Variants in MCC observed in about 807,000 individuals in gnomAD.
MCC encodes colorectal mutant cancer protein.
MCC carries 90 observed loss-of-function variants against 116.2 expected under a neutral mutation model. That is an observed-to-expected ratio of 0.77 (90% confidence interval 0.65 to 0.92). The LOEUF is 0.92. Among genes scored for constraint, MCC ranks in the 40% least tolerant of loss-of-function variants. The probability of loss-of-function intolerance (pLI) is 0.00; values close to 1 mark genes in which losing one functional copy is unlikely to be tolerated. For missense variants in MCC, 1,516 were observed against 1,312.2 expected (o/e 1.16, Z -2.40); for synonymous variants, 578 against 510.5 (o/e 1.13, Z -1.78).
chr5:113,474,741 G>A (rs1772192285), intron 1 of MCC, among the ~76,000 whole-genome samples: 1 of 152,114 alleles, frequency 6.6e-6, no homozygotes, highest in Non-Finnish European at 1.5e-5. Flanking sequence ...AAGGGAGAGA[G>A]GGATAAGCCG....
At chr5:113,144,431 A>C (rs180919770) in intron 4 of MCC, among the ~76,000 whole-genome samples, 4 of 152,328 alleles carry the variant, frequency 2.6e-5, no homozygotes, top group Admixed American at 2.6e-4. Context: ...ATCTTCAACA[A>C]GGTTTTCTTA....
chr5:113,039,375 C>A (rs1241846968), intron 17 of MCC, among the ~76,000 whole-genome samples: 3 of 152,148 alleles, frequency 2.0e-5, no homozygotes, highest in Non-Finnish European at 2.9e-5. Context: ...TTTTTATCAG[C>A]ATGACTTAGG....
At chr5:113,412,869 T>C (rs1408076282) in intron 1 of MCC, among the ~76,000 whole-genome samples, 1 of 152,214 alleles carries the variant, frequency 6.6e-6, no homozygotes, top group Admixed American at 6.5e-5. Flanking sequence ...AGGGAATGCT[T>C]CCAGGTTTGT....
chr5:113,485,176 C>G (rs549594898), intron 1 of MCC, among the ~76,000 whole-genome samples: 3 of 152,132 alleles, frequency 2.0e-5, no homozygotes, highest in African/African-American at 7.2e-5. Flanking sequence ...CACCCCTTAC[C>G]TCCCTGACAT....
chr5:113,063,987 G>A lies in MCC; in HGVS notation c.2210C>T (p.Thr737Ile). The A allele has an allele frequency of 6.2e-7, 1 of 1,611,754 alleles. No homozygotes were observed. The highest frequency in any genetic ancestry group is 8.5e-7 in the Non-Finnish European group (1 of 1,179,238). Reference protein sequence around the residue: ...PWESLSSNSHTSTTSSTASSC... With the variant: ...PWESLSSNSHISTTSSTASSC... ...AGAGCAGAAGGCTGAGCATTACCTG[G>A]TGTGGCTGTTGGAGGAAAGGCTCTC... The change falls in exon 14 of 19, where the codon ACC becomes ATC. Residue 737 changes from threonine to isoleucine, a missense_variant. Coordinates refer to ENST00000408903, the MANE Select transcript of MCC (RefSeq NM_001085377.2).
chr5:113,214,249 G>T (rs527449290), intron 3 of MCC, among the ~76,000 whole-genome samples: 1 of 152,112 alleles, frequency 6.6e-6, no homozygotes, highest in Non-Finnish European at 1.5e-5. Context: ...AAAGAACGAC[G>T]GAGCTGAGAA....
intron 3 of MCC, among the ~76,000 whole-genome samples, chr5:113,264,426 A>C (rs1468656789): frequency 2.0e-5 from 3 of 152,162 alleles, no homozygotes; most frequent in Non-Finnish European, 4.4e-5. Context: ...CTTCCTCTCA[A>C]AGGTTAGTTA....
At chr5:113,382,235 T>TA (rs1769141960) in intron 2 of MCC, among the ~76,000 whole-genome samples, 1 of 151,402 alleles carries the variant, frequency 6.6e-6, no homozygotes, top group Admixed American at 6.6e-5. Context: ...AGAGAAGGAC[T>TA]AATTGAACAT....
At chr5:113,420,567 T>C (rs747109740) in intron 1 of MCC, among the ~76,000 whole-genome samples, 63 of 152,182 alleles carry the variant, frequency 4.1e-4, no homozygotes, top group Non-Finnish European at 5.1e-4. Context: ...TTCCCAAAAC[T>C]GAAGTTTGGA....
chr5:113,127,228 C>T (rs1758108442), intron 5 of MCC, among the ~76,000 whole-genome samples: 1 of 152,218 alleles, frequency 6.6e-6, no homozygotes, highest in Admixed American at 6.5e-5. Context: ...ATACGTACCA[C>T]ATTTTCTTTA....
chr5:113,444,991 G>T (rs533166745), intron 1 of MCC, among the ~76,000 whole-genome samples: 3 of 152,202 alleles, frequency 2.0e-5, no homozygotes, highest in Non-Finnish European at 4.4e-5. Context: ...GGGCAGAACT[G>T]TATATTTAAC....
chr5:113,363,623 C>A (rs1351928113), intron 2 of MCC, among the ~76,000 whole-genome samples: 1 of 152,208 alleles, frequency 6.6e-6, no homozygotes, highest in Non-Finnish European at 1.5e-5. Context: ...CAGGCCCCAA[C>A]TCCAACACTT....
intron 1 of MCC, among the ~76,000 whole-genome samples, chr5:113,428,329 G>A (rs1474982626): frequency 6.6e-6 from 1 of 152,248 alleles, no homozygotes; most frequent in African/African-American, 2.4e-5. Flanking sequence ...ATGCTGGGAT[G>A]CAGCACCACA....
intron 3 of MCC, among the ~76,000 whole-genome samples, chr5:113,237,260 G>C (rs574938488): frequency 2.0e-5 from 3 of 152,224 alleles, no homozygotes; most frequent in Admixed American, 6.5e-5. Context: ...GCAAAAATGT[G>C]AACATTTTAC....
At chr5:113,140,630 T>C (rs898207379) in intron 5 of MCC, among the ~76,000 whole-genome samples, 3 of 152,200 alleles carry the variant, frequency 2.0e-5, no homozygotes, top group African/African-American at 7.2e-5. Context: ...TGTCATTTTC[T>C]TTCCTTAAGC....
chr5:113,246,920 A>G (rs1286689793), intron 3 of MCC, among the ~76,000 whole-genome samples: 3 of 152,174 alleles, frequency 2.0e-5, no homozygotes, highest in Non-Finnish European at 2.9e-5. Flanking sequence ...CCCCCTTTAT[A>G]TTTAAGCAGG....
Position 113,028,915 on chromosome 5 carries a change from G to C in MCC, c.2879+19C>G, listed in dbSNP as rs1231047963. 2 of 1,610,928 alleles carry C rather than the reference G, an allele frequency of 1.2e-6. No individual in the cohort carries two copies. The highest frequency in any genetic ancestry group is 1.7e-6 in the Non-Finnish European group (2 of 1,178,322). On this transcript the variant is annotated intron_variant, in intron 18 of 18. Transcript: ENST00000408903. ...CACAGGTGGAGGGCGGTGGGGGCTG[G>C]GTATAGGGAGATTTTTACCTGTTGG...
intron 1 of MCC, among the ~76,000 whole-genome samples, chr5:113,474,661 G>A (rs1027991821): frequency 6.6e-6 from 1 of 152,120 alleles, no homozygotes; most frequent in African/African-American, 2.4e-5. Context: ...GTCCTGGAGG[G>A]GGCAAGCCTG....
At chr5:113,223,534 CAG>C (rs1440459112) in intron 3 of MCC, among the ~76,000 whole-genome samples, 5 of 152,090 alleles carry the variant, frequency 3.3e-5, no homozygotes. Flanking sequence ...GTGGCAAAGA[CAG>C]GGCAGGAGAT....
Sources: gnomAD v4.1 joint callset for allele counts (sites outside exome capture counted in the v4.1 genomes callset) on GRCh38, gnomAD v4.1.1 for gene constraint, MANE v1.5 for transcripts, NCBI Gene and HGNC (gene_info 2026-07-23, HGNC 2026-07-21) for gene names.